The following IFT140 variants were observed in gnomAD, a reference collection of about 807,000 sequenced individuals.
IFT140 encodes intraflagellar transport protein 140 homolog.
A neutral mutation model predicts 164.6 loss-of-function variants in IFT140; 133 were observed. That is an observed-to-expected ratio of 0.81 (90% CI 0.70 to 0.93). The LOEUF (loss-of-function observed/expected upper bound fraction) is 0.93. Ranked by LOEUF, IFT140 falls within the 40% of genes least tolerant of loss-of-function variation. The pLI is 0.00. For missense variants in IFT140, 2,045 were observed against 1,972.3 expected, an observed-to-expected ratio of 1.04 and a Z score of -0.70; for synonymous variants, 860 against 817.3, an observed-to-expected ratio of 1.05 and a Z score of -0.89.
chr16:1,573,034 C>T (rs951969248), intron 13 of IFT140, among the ~76,000 whole-genome samples: 5 of 152,098 alleles, frequency 3.3e-5, no homozygotes, highest in South Asian at 2.1e-4. Context: ...TTAGTGGGCA[C>T]GGAAATCTAA....
intron 21 of IFT140, 42 bp from the exon 22 acceptor site, chr16:1,525,368 C>T (rs1312644018): frequency 6.0e-6 from 9 of 1,504,948 alleles, no homozygotes; most frequent in Admixed American, 3.3e-5. Context: ...CCTCCCATCC[C>T]AGCCCCACGG....
Position 1,510,566 on chromosome 16 carries a change from G to A in IFT140, c.*378C>T. 3.0e-6 allele frequency: 1 copy of A among 334,372 alleles called. No homozygotes were observed. The highest frequency in any genetic ancestry group is 5.5e-6 in the Non-Finnish European group (1 of 180,542). The allele number at this position is 334,372 out of a possible 1,614,324, so 20.7% of individuals were successfully genotyped here. A position where few individuals can be genotyped will look rare whatever the true frequency, so the allele number is the denominator to read the frequency against. On this transcript the variant is annotated 3_prime_UTR_variant, in exon 31 of 31. Coordinates refer to ENST00000426508, the MANE Select transcript of IFT140 (RefSeq NM_014714.4). ...CGTGGGCCCTGCAGGAGTATGGGGAGGATATGATGTGTGGGGAGCAGGGGG... is the reference window on the plus strand; with the variant it reads ...CGTGGGCCCTGCAGGAGTATGGGGAAGATATGATGTGTGGGGAGCAGGGGG...
rs749330035 is a variant in IFT140 at position 1,525,323 on chromosome 16, G to A, written c.2772C>T (p.Tyr924=). 13 of 1,610,142 alleles carry A rather than the reference G, an allele frequency of 8.1e-6. No individual in the cohort carries two copies. The highest frequency in any genetic ancestry group is 3.3e-4 in the Middle Eastern group (2 of 6,052). ...CGAAGCGGTGCGTGTCCGACTTCTC[G>A]TAGCTGTGAGAGAAGGAGACAGAGG... ...SADCSRALSY[Y]EKSDTHRFEV... The change falls in exon 22 of 31, where the codon TAC becomes TAT. Residue 924 remains tyrosine (Y), a synonymous_variant. Transcript: ENST00000426508.
intron 19 of IFT140, among the ~76,000 whole-genome samples, chr16:1,547,443 G>T (rs2032266425): frequency 6.6e-6 from 1 of 152,318 alleles, no homozygotes; most frequent in African/African-American, 2.4e-5. Context: ...TTGCTCGCTG[G>T]TGAGAAAGTC....
intron 4 of IFT140, among the ~76,000 whole-genome samples, chr16:1,595,092 T>G (rs1329436504): frequency 6.6e-6 from 1 of 151,870 alleles, no homozygotes; most frequent in African/African-American, 2.4e-5. Context: ...GAGACCCTCC[T>G]GGCTAACACG....
At chr16:1,525,376 C>T (rs561871322) in intron 21 of IFT140, 50 bp from the exon 22 acceptor site, 20 of 1,448,262 alleles carry the variant, frequency 1.4e-5, no homozygotes, top group Middle Eastern at 3.7e-4. Flanking sequence ...CCCAGCCCCA[C>T]GGGAACCGGG....
At chr16:1,560,039 C>A (rs969980698) in intron 18 of IFT140, among the ~76,000 whole-genome samples, 13 of 152,144 alleles carry the variant, frequency 8.5e-5, no homozygotes, top group Non-Finnish European at 1.8e-4. Context: ...GGGAAAAACT[C>A]AACAGAAATA....
rs1397845272 is a variant in IFT140 at position 1,564,494 on chromosome 16, C to T, written c.1902-332G>A. Among the ~76,000 whole-genome samples, 2 of 152,208 alleles carry T rather than the reference C, an allele frequency of 1.3e-5. No individual in the cohort carries two copies. The highest frequency in any genetic ancestry group is 2.4e-5 in the African/African-American group (1 of 41,450). On this transcript the variant is annotated intron_variant, in intron 16 of 30. Transcript: ENST00000426508. This position sits in a 1 kb window ranked among gnomAD's most constrained non-coding sequence, Gnocchi z 5.5. Reference sequence around the variant, plus strand: ...TTTTCCAGGACCAGCAGGCCAACCTCGAGGTGGGATGGCACCCCCTGCTGG... The same window carrying T: ...TTTTCCAGGACCAGCAGGCCAACCTTGAGGTGGGATGGCACCCCCTGCTGG...
At chr16:1,557,583 T>G in intron 19 of IFT140, 1 of 231,066 alleles carries the variant, frequency 4.3e-6, no homozygotes, top group Admixed American at 5.2e-5. Context: ...CAGAGCATTT[T>G]TAATTGTGTT....
chr16:1,548,832 T>C (rs1023353786), intron 19 of IFT140, among the ~76,000 whole-genome samples: 1 of 152,206 alleles, frequency 6.6e-6, no homozygotes, highest in Non-Finnish European at 1.5e-5. Flanking sequence ...GAGGCCAAGG[T>C]TAGAGCAGCA....
chr16:1,584,091 A>G (rs771917206), intron 11 of IFT140, 126 bp downstream of exon 11: 2 of 709,724 alleles, frequency 2.8e-6, no homozygotes, highest in Non-Finnish European at 4.7e-6. Flanking sequence ...TCCAGGAAAT[A>G]AGAGAATCTA....
In IFT140 at chr16:1,584,337, G is replaced by C; in HGVS notation, c.1239C>G (p.Phe413Leu). 2 of 1,613,594 alleles carry C rather than the reference G, an allele frequency of 1.2e-6. No individual in the cohort carries two copies. Among genetic ancestry groups the C allele is most frequent in the Non-Finnish European group, 1.7e-6 (2 of 1,179,948 alleles). The change falls in exon 11 of 31, where the codon TTC becomes TTG. Residue 413 changes from phenylalanine to leucine, a missense_variant. Coordinates refer to ENST00000426508, the MANE Select transcript of IFT140 (RefSeq NM_014714.4). Reference protein sequence around the residue: ...ILSERAMSSHFHQQVAAMQVS... With the variant: ...ILSERAMSSHLHQQVAAMQVS... ...CCTGCATGGCGGCCACTTGCTGGTG[G>C]AAGTGTGACGACATGGCCCGCTCGC... is the stretch of plus-strand genomic sequence containing the variant.
intron 13 of IFT140, among the ~76,000 whole-genome samples, chr16:1,579,046 C>T (rs1455629200): frequency 6.6e-6 from 1 of 152,186 alleles, no homozygotes. Context: ...AAAACGTTAA[C>T]TAGTAACAGC....
intron 30 of IFT140, among the ~76,000 whole-genome samples, chr16:1,513,767 G>A (rs549651362): frequency 4.0e-5 from 6 of 150,264 alleles, no homozygotes; most frequent in Admixed American, 1.3e-4. Flanking sequence ...TCCGCCTCCC[G>A]GGTTCACACC....
chr16:1,595,287 A>G (rs2035402427), intron 4 of IFT140, among the ~76,000 whole-genome samples: 1 of 151,782 alleles, frequency 6.6e-6, no homozygotes, highest in Non-Finnish European at 1.5e-5. Context: ...TTCGTCTCAA[A>G]TAAACAAACA....
intron 12 of IFT140, among the ~76,000 whole-genome samples, chr16:1,582,803 T>C (rs550031074): frequency 6.4e-4 from 98 of 152,344 alleles, no homozygotes; most frequent in Non-Finnish European, 1.3e-3. Flanking sequence ...CTGGGGAGAC[T>C]GAGGCAGGAC....
chr16:1,556,960 C>T (rs1015583519), intron 19 of IFT140, among the ~76,000 whole-genome samples: 1 of 152,060 alleles, frequency 6.6e-6, no homozygotes, highest in Non-Finnish European at 1.5e-5. Flanking sequence ...CAGGAACGCA[C>T]CACAACTGCC....
chr16:1,570,638 C>T (rs1838419952), intron 14 of IFT140, among the ~76,000 whole-genome samples: 1 of 152,204 alleles, frequency 6.6e-6, no homozygotes, highest in Non-Finnish European at 1.5e-5. Flanking sequence ...CCCTCACTCC[C>T]AGAGCCACTT....
chr16:1,560,221 C>T (rs1031547883), intron 18 of IFT140, among the ~76,000 whole-genome samples: 28 of 152,296 alleles, frequency 1.8e-4, no homozygotes, highest in Non-Finnish European at 3.2e-4. Flanking sequence ...CTCCATTTGG[C>T]GAATCACACG....
Sources: allele counts gnomAD v4.1 joint callset (sites outside exome capture counted in the v4.1 genomes callset), GRCh38; gene constraint gnomAD v4.1.1; non-coding constraint Gnocchi (gnomAD v3.1); transcripts MANE v1.5; gene names NCBI Gene and HGNC (gene_info 2026-07-23, HGNC 2026-07-21).